The following MESP1 variants were observed in gnomAD, a reference collection of about 807,000 sequenced individuals.
The protein encoded by MESP1 is mesoderm posterior protein 1.
In MESP1, 22 loss-of-function variants were observed where a neutral mutation model predicts 15.2. The ratio of observed to expected loss-of-function variants is 1.45; its 90% CI spans 1.04 to 2.07. The LOEUF is 2.07. Ranked by LOEUF, MESP1 falls within the 30% of genes most tolerant of loss-of-function variation. MESP1 has a pLI of 0.00. For missense variants in MESP1, 484 were observed against 411.9 expected (o/e 1.17, Z -1.51); for synonymous variants, 216 against 192.6 (o/e 1.12, Z -1.01).
the MESP1 span, among the ~76,000 whole-genome samples, chr15:89,737,144 G>T: frequency 6.6e-6 from 1 of 152,154 alleles, no homozygotes; most frequent in African/African-American, 2.4e-5. Context: ...GCAGAGGAAA[G>T]AGCCCAGGCA....
At chr15:89,738,850 C>T in the MESP1 span, among the ~76,000 whole-genome samples, 3,588 of 152,142 alleles carry the variant, frequency 0.024, 55 homozygotes, top group Non-Finnish European at 0.037. Flanking sequence ...CCCGGTGGCT[C>T]ATGCCTGTAA....
At chr15:89,733,407 T>G in the MESP1 span, among the ~76,000 whole-genome samples, 5 of 152,216 alleles carry the variant, frequency 3.3e-5, no homozygotes, top group African/African-American at 4.8e-5. Context: ...AATTGTATGA[T>G]AGCACAGATG....
Position 89,750,818 on chromosome 15 carries a change from G to A in MESP1, c.414C>T (p.Ala138=), listed in dbSNP as rs1283720364. The A allele has an allele frequency of 6.5e-7, 1 of 1,529,414 alleles. No homozygotes were observed. The highest frequency in any genetic ancestry group is 1.4e-5 in the African/African-American group (1 of 70,214). The allele number at this position is 1,529,414 out of a possible 1,614,324, so 94.7% of individuals were successfully genotyped here. The change falls in exon 1 of 2, where the codon GCC becomes GCT. Residue 138 remains alanine (A), a synonymous_variant. Coordinates refer to ENST00000300057, the MANE Select transcript of MESP1 (RefSeq NM_018670.4). The stretch of plus-strand genomic sequence containing the variant: ...GACTCTCCTCGCTGAGGCCTAGCAC[G>A]GCCGACAGGTGGCCGATATAGCGGA... ...LAIRYIGHLS[A]VLGLSEESLQ... is the part of the protein sequence containing the mutation.
At chr15:89,745,783 T>C (rs919084083), downstream of MESP1, among the ~76,000 whole-genome samples, 1 of 151,574 alleles carries the variant, frequency 6.6e-6, no homozygotes, top group Non-Finnish European at 1.5e-5. This position sits in a 1 kb window ranked among gnomAD's most constrained non-coding sequence, Gnocchi z 4.8. Flanking sequence ...AAGAACCTTA[T>C]GTCTTCTCAG....
the MESP1 span, among the ~76,000 whole-genome samples, chr15:89,738,626 C>CAAA: frequency 5.6e-4 from 46 of 81,456 alleles, no homozygotes; most frequent in African/African-American, 1.9e-3. Flanking sequence ...GACTCTGTCC[C>CAAA]AAAAAAAAAA....
At chr15:89,733,516 A>T in the MESP1 span, among the ~76,000 whole-genome samples, 1 of 152,194 alleles carries the variant, frequency 6.6e-6, no homozygotes, top group Non-Finnish European at 1.5e-5. Flanking sequence ...AGATGATTGG[A>T]TCATGAAGGC....
At chr15:89,734,457 C>A in the MESP1 span, among the ~76,000 whole-genome samples, 5 of 152,256 alleles carry the variant, frequency 3.3e-5, no homozygotes, top group Admixed American at 2.0e-4. Context: ...TCTAAGGGCT[C>A]CTAGCAGCAG....
the MESP1 span, among the ~76,000 whole-genome samples, chr15:89,736,119 G>T: frequency 2.0e-5 from 3 of 152,216 alleles, no homozygotes; most frequent in Admixed American, 2.0e-4. Flanking sequence ...CAAACAGAGA[G>T]GTCAGAGAAT....
chr15:89,750,212 C>A lies in MESP1; in HGVS notation c.739G>T (p.Val247Leu). ...SPPSPLLPGD[V>L]LALLETWMPL... ...ATCCAGGTCTCCAACAGAGCCAGCA[C>A]GTCGCCCGGAAGGAGCTGTAGGGAG... Residue 247 changes from valine (V) to leucine (L), a missense_variant, in exon 2 of 2, where the codon GTG (valine) becomes TTG (leucine). By Grantham distance (32) the Val-to-Leu change is conservative. Transcript: ENST00000300057. 1 of 1,614,076 alleles carries A rather than the reference C, an allele frequency of 6.2e-7. No homozygotes were observed. The highest frequency in any genetic ancestry group is 8.5e-7 in the Non-Finnish European group (1 of 1,180,024).
downstream of MESP1, among the ~76,000 whole-genome samples, chr15:89,746,325 ATCCACACC>A (rs1342961847): frequency 0.019 from 2,524 of 132,706 alleles, 112 homozygotes; most frequent in African/African-American, 0.075. Flanking sequence ...TCCACACAGC[ATCCACACC>A]TCCACACATC....
In MESP1 at chr15:89,749,911, C is replaced by T. The variant is rs990185469; in HGVS notation, c.*233G>A. On this transcript the variant is annotated 3_prime_UTR_variant, in exon 2 of 2. Transcript: ENST00000300057. ...CAGTTTATTCACAAATAAATAAATTCACATTAGGCAGAGCCTCCTGCTTGC... is the reference window on the plus strand; with the variant it reads ...CAGTTTATTCACAAATAAATAAATTTACATTAGGCAGAGCCTCCTGCTTGC... 1.8e-6 allele frequency: 1 copy of T among 542,948 alleles called. No homozygotes were observed. The highest frequency in any genetic ancestry group is 2.4e-5 in the South Asian group (1 of 40,838). The allele number at this position is 542,948 out of a possible 1,614,324, so 33.6% of individuals were successfully genotyped here. A position where few individuals can be genotyped will look rare whatever the true frequency, so the allele number is the denominator to read the frequency against.
the MESP1 span, among the ~76,000 whole-genome samples, chr15:89,733,993 A>ATGTG: frequency 0.015 from 2,182 of 149,298 alleles, 23 homozygotes; most frequent in South Asian, 0.054. Flanking sequence ...AACCTGTATA[A>ATGTG]TGTGTGTGTG....
Position 89,751,085 on chromosome 15 carries a change from G to A in MESP1, c.147C>T (p.Asp49=), listed in dbSNP as rs281865534. 1.7e-3 allele frequency: 1,689 copies of A among 1,014,160 alleles called. 7 individuals are homozygous for A. The highest frequency in any genetic ancestry group is 2.0e-3 in the Non-Finnish European group (1,543 of 788,100). 62.8% of individuals were successfully genotyped at this position (1,014,160 alleles called of 1,614,324 possible). A position where few individuals can be genotyped will look rare whatever the true frequency, so the allele number is the denominator to read the frequency against. The change falls in exon 1 of 2, where the codon GAC becomes GAT. Residue 49 remains aspartate (D), a synonymous_variant. Coordinates refer to ENST00000300057, the MANE Select transcript of MESP1 (RefSeq NM_018670.4). ...GCCGCGCGGGGCTCGCCACGGGGCTGTCGGCTGGGGTGCTGCCCCATGAGT... is the reference window on the plus strand; with the variant it reads ...GCCGCGCGGGGCTCGCCACGGGGCTATCGGCTGGGGTGCTGCCCCATGAGT... ...SPDSWGSTPA[D]SPVASPARPG...
At chr15:89,744,083 C>T in the MESP1 span, among the ~76,000 whole-genome samples, 1 of 152,206 alleles carries the variant, frequency 6.6e-6, no homozygotes, top group African/African-American at 2.4e-5. Context: ...CCCAAGGGAT[C>T]CGTGAGGACC....
rs923564293 is a variant in MESP1, at chr15:89,751,189, G to C, written c.43C>G (p.Leu15Val). 1.6e-6 allele frequency: 2 copies of C among 1,268,784 alleles called. No individual in the cohort carries two copies. The highest frequency in any genetic ancestry group is 5.9e-5 in the East Asian group (2 of 33,702). The allele number at this position is 1,268,784 out of a possible 1,614,324, so 78.6% of individuals were successfully genotyped here. A position where few individuals can be genotyped will look rare whatever the true frequency, so the allele number is the denominator to read the frequency against. ...CGAGTTGGGCCCCAGGCCGCAGAGA[G>C]CATCCAGGACTCGGAGAGCGGCGGG... Reference protein sequence around the residue: ...LCPPLSESWMLSAAWGPTRRP... With the variant: ...LCPPLSESWMVSAAWGPTRRP... The change falls in exon 1 of 2, where the codon CTC becomes GTC. Residue 15 changes from leucine (L) to valine (V), a missense_variant. Leu to Val is a conservative substitution (Grantham distance 32, BLOSUM62 1). Transcript: ENST00000300057.
chr15:89,733,811 T>G, the MESP1 span, among the ~76,000 whole-genome samples: 1 of 152,152 alleles, frequency 6.6e-6, no homozygotes, highest in Non-Finnish European at 1.5e-5. Flanking sequence ...GCTTTATACA[T>G]TATCCAGTTT....
the MESP1 span, chr15:89,743,244 TG>T: frequency 6.2e-7 from 1 of 1,600,844 alleles, no homozygotes; most frequent in South Asian, 1.1e-5. Flanking sequence ...GCTCGGGAGC[TG>T]GGGAAGTGAG....
At chr15:89,737,748 G>C in the MESP1 span, 2 of 1,613,976 alleles carry the variant, frequency 1.2e-6, no homozygotes, top group Non-Finnish European at 1.7e-6. Context: ...AGGGACCAGG[G>C]CTGATGCCCA....
In MESP1 at chr15:89,750,005, C is replaced by A; in HGVS notation, c.*139G>T. On this transcript the variant is annotated 3_prime_UTR_variant, in exon 2 of 2. Coordinates refer to ENST00000300057, the MANE Select transcript of MESP1 (RefSeq NM_018670.4). ...CTGAGAAGGGCCGCCGCGGTGGGGA[C>A]GGCTCTCACCCGCAGGAATGCCCCC... is the stretch of plus-strand genomic sequence containing the variant. 1.2e-6 allele frequency: 1 copy of A among 813,506 alleles called. No individual in the cohort carries two copies. Among genetic ancestry groups the A allele is most frequent in the East Asian group, 2.5e-5 (1 of 40,062 alleles). The allele number at this position is 813,506 out of a possible 1,614,324, so 50.4% of individuals were successfully genotyped here.
Sources: gnomAD v4.1 joint callset for allele counts (sites outside exome capture counted in the v4.1 genomes callset) on GRCh38, gnomAD v4.1.1 for gene constraint, Gnocchi (gnomAD v3.1) non-coding constraint, MANE v1.5 for transcripts, NCBI Gene and HGNC (gene_info 2026-07-23, HGNC 2026-07-21) for gene names.